SLC44A3: variants seen among roughly 807,000 people sequenced by gnomAD.
SLC44A3 encodes the protein solute carrier family 44 member 3.
SLC44A3 carries 74 observed loss-of-function variants against 75.4 expected under a neutral mutation model. That is an observed-to-expected ratio of 0.98 (90% CI 0.81 to 1.19). The LOEUF (loss-of-function observed/expected upper bound fraction) is 1.19. Ranked by LOEUF, SLC44A3 falls within the 50% of genes most tolerant of loss-of-function variation. The pLI, the probability that SLC44A3 is intolerant of heterozygous loss-of-function variation, is 0.00. For missense variants in SLC44A3, 700 were observed against 778.6 expected, an observed-to-expected ratio of 0.90 and a Z score of 1.20; for synonymous variants, 310 against 296.9, an observed-to-expected ratio of 1.04 and a Z score of -0.45.
At chr1:94,854,732 C>T (rs1001576306) in intron 9 of SLC44A3, among the ~76,000 whole-genome samples, 2 of 152,004 alleles carry the variant, frequency 1.3e-5, no homozygotes, top group Admixed American at 1.3e-4. Flanking sequence ...CCCGCGCCCC[C>T]CGGTGACTTT....
chr1:94,888,793 G>T, intron 12 of SLC44A3: 1 of 814,324 alleles, frequency 1.2e-6, no homozygotes. Flanking sequence ...GCAGTGGTGC[G>T]ATCTCGGCTC....
intron 5 of SLC44A3, among the ~76,000 whole-genome samples, chr1:94,832,958 C>A (rs1662310706): frequency 6.9e-6 from 1 of 145,806 alleles, no homozygotes; most frequent in Admixed American, 7.0e-5. Context: ...CAGAGCAAGA[C>A]CCTGTCTCAA....
intron 12 of SLC44A3, among the ~76,000 whole-genome samples, chr1:94,881,819 T>A (rs1669027815): frequency 6.9e-6 from 1 of 145,950 alleles, no homozygotes; most frequent in South Asian, 2.2e-4. Flanking sequence ...GAGACCATCC[T>A]GGCCAACATG....
chr1:94,892,094 T>A (rs1156260434), intron 13 of SLC44A3, among the ~76,000 whole-genome samples, 187 bp from the exon 14 acceptor site: 1 of 152,190 alleles, frequency 6.6e-6, no homozygotes, highest in African/African-American at 2.4e-5. Context: ...TTAACTGGGT[T>A]TCCTTTTGAT....
chr1:94,829,420 C>G (rs1231343704), intron 5 of SLC44A3, among the ~76,000 whole-genome samples: 1 of 152,178 alleles, frequency 6.6e-6, no homozygotes, highest in Non-Finnish European at 1.5e-5. Context: ...TTAATGAAAA[C>G]AGAAAGCACA....
intron 2 of SLC44A3, among the ~76,000 whole-genome samples, chr1:94,824,014 A>T (rs1660959041): frequency 6.6e-6 from 1 of 152,204 alleles, no homozygotes; most frequent in African/African-American, 2.4e-5. Context: ...ATTGGTGAAC[A>T]GTGTTTCAGT....
intron 14 of SLC44A3, 70 bp downstream of exon 14, chr1:94,892,587 A>C (rs1016241320): frequency 1.3e-5 from 19 of 1,450,526 alleles, no homozygotes; most frequent in South Asian, 2.4e-5. Flanking sequence ...AAAGCTGCAC[A>C]CACGAAAGAG....
intron 12 of SLC44A3, chr1:94,889,246 T>A (rs1669938159): frequency 6.6e-6 from 1 of 152,180 alleles, no homozygotes; most frequent in Non-Finnish European, 1.5e-5. Context: ...CCACACTGAT[T>A]TCCTTACGAT....
At chr1:94,849,150 G>A (rs944966589) in intron 9 of SLC44A3, among the ~76,000 whole-genome samples, 1 of 152,112 alleles carries the variant, frequency 6.6e-6, no homozygotes, top group African/African-American at 2.4e-5. Context: ...CTTCAGGGCT[G>A]AAGGTAGCGT....
Position 94,852,962 on chromosome 1 carries a change from G to A in SLC44A3, c.1073-4373G>A, listed in dbSNP as rs78163379. On this transcript the variant is annotated intron_variant, in intron 9 of 14. Transcript: ENST00000271227. Reference sequence around the variant, plus strand: ...ACCAGATGGAGATGTCAAGTAGGCAGTTAGCTATCTGAGTCTGAAGTTAGT... The same window carrying A: ...ACCAGATGGAGATGTCAAGTAGGCAATTAGCTATCTGAGTCTGAAGTTAGT... Among the ~76,000 whole-genome samples, 238 of 152,344 alleles carry A rather than the reference G, an allele frequency of 1.6e-3. 1 individual carries two copies. Among genetic ancestry groups the A allele is most frequent in the African/African-American group, 5.5e-3 (229 of 41,580 alleles).
At chr1:94,842,432 G>C (rs2101064496) in intron 8 of SLC44A3, among the ~76,000 whole-genome samples, 1 of 152,356 alleles carries the variant, frequency 6.6e-6, no homozygotes, top group South Asian at 2.1e-4. Flanking sequence ...CAGGCTTACG[G>C]CAGTTCCCAT....
chr1:94,869,449 G>A (rs941676500), intron 12 of SLC44A3, among the ~76,000 whole-genome samples: 2 of 152,200 alleles, frequency 1.3e-5, no homozygotes, highest in Non-Finnish European at 1.5e-5. Context: ...CTGTGCACTA[G>A]GCTGTGGCTA....
intron 12 of SLC44A3, among the ~76,000 whole-genome samples, chr1:94,878,048 C>T (rs61772584): frequency 2.0e-5 from 3 of 152,092 alleles, no homozygotes; most frequent in Non-Finnish European, 4.4e-5. Flanking sequence ...TCCTGGCTAA[C>T]ACGGTGAAAC....
At chr1:94,882,313 C>T (rs1253116531) in intron 12 of SLC44A3, among the ~76,000 whole-genome samples, 1 of 152,124 alleles carries the variant, frequency 6.6e-6, no homozygotes, top group Admixed American at 6.5e-5. Flanking sequence ...GAGTTCCTTG[C>T]CAAGGATAAG....
At chr1:94,828,680 A>T in intron 5 of SLC44A3, 94 bp downstream of exon 5, 1 of 1,097,484 alleles carries the variant, frequency 9.1e-7, no homozygotes, top group Non-Finnish European at 1.3e-6. Flanking sequence ...TGGGAAGGAG[A>T]TATCAGAAGA....
chr1:94,857,340 G>T lies in SLC44A3; in HGVS notation c.1078G>T (p.Ala360Ser), dbSNP rs750115977. The T allele has an allele frequency of 7.5e-6, 12 of 1,604,794 alleles. No individual in the cohort carries two copies. The highest frequency in any genetic ancestry group is 1.7e-4 in the Middle Eastern group (1 of 6,050). Residue 360 changes from alanine (A) to serine (S), a missense_variant, in exon 10 of 15, where the codon GCC (alanine) becomes TCC (serine). Transcript: ENST00000271227. ...GTTTGTGTTTGAAACTTTAGGAGCT[G>T]CCCAGGTTATGGAAGGCGGCCAAGT... ...VLLSLGTAGAAQVMEGGQVEY... is the reference protein window; with the variant it reads ...VLLSLGTAGASQVMEGGQVEY...
intron 12 of SLC44A3, among the ~76,000 whole-genome samples, chr1:94,874,476 C>G (rs140961696): frequency 9.1e-4 from 139 of 152,314 alleles, no homozygotes; most frequent in African/African-American, 3.2e-3. Flanking sequence ...CTCTGAAGTG[C>G]TTCCTGACAT....
chr1:94,822,021 A>T (rs892949785), intron 2 of SLC44A3, among the ~76,000 whole-genome samples: 1 of 152,164 alleles, frequency 6.6e-6, no homozygotes, highest in African/African-American at 2.4e-5. Context: ...GCTGGGAGAG[A>T]CAGTGCACCT....
At position 94,857,503 on chromosome 1, in the gene SLC44A3, A is replaced by G. The variant is rs1216347339; in HGVS notation, c.1238+3A>G. 5 of 1,608,172 alleles carry G rather than the reference A, an allele frequency of 3.1e-6. No homozygotes were observed. Among genetic ancestry groups the G allele is most frequent in the Non-Finnish European group, 4.2e-6 (5 of 1,178,128 alleles). On this transcript the variant is annotated splice_donor_region_variant and intron_variant, in intron 10 of 14. Transcript: ENST00000271227. ...GTGGTTACTTGTTATTTCAACAGGTAGGTCCAGTGTTTTTTTTCTATTGGT... is the reference window on the plus strand; with the variant it reads ...GTGGTTACTTGTTATTTCAACAGGTGGGTCCAGTGTTTTTTTTCTATTGGT...
Sources: allele counts gnomAD v4.1 joint callset (sites outside exome capture counted in the v4.1 genomes callset), GRCh38; gene constraint gnomAD v4.1.1; transcripts MANE v1.5; gene names NCBI Gene and HGNC (gene_info 2026-07-23, HGNC 2026-07-21).